The following SLC25A13 variants were observed in gnomAD, a reference collection of about 807,000 sequenced individuals.
SLC25A13 encodes the protein electrogenic aspartate/glutamate antiporter SLC25A13, mitochondrial.
SLC25A13 carries 70 observed loss-of-function variants against 85.5 expected under a neutral mutation model. The ratio of observed to expected loss-of-function variants is 0.82; its 90% confidence interval spans 0.68 to 1.00. The LOEUF (loss-of-function observed/expected upper bound fraction) is 1.00, where lower values mean the gene tolerates loss of function less well. Ranked by LOEUF, SLC25A13 falls within the 50% of genes least tolerant of loss-of-function variation. The pLI is 0.00. For missense variants in SLC25A13, 765 were observed against 819.8 expected (o/e 0.93, Z 0.82); for synonymous variants, 259 against 288.7 (o/e 0.90, Z 1.04).
At chr7:96,199,033 G>A (rs1024161878) in intron 5 of SLC25A13, among the ~76,000 whole-genome samples, 1 of 152,144 alleles carries the variant, frequency 6.6e-6, no homozygotes, top group Non-Finnish European at 1.5e-5. Flanking sequence ...CAAGGAGAAC[G>A]TTTACTAAGT....
At chr7:96,249,911 T>C (rs1238018378) in intron 3 of SLC25A13, among the ~76,000 whole-genome samples, 1 of 147,128 alleles carries the variant, frequency 6.8e-6, no homozygotes, top group East Asian at 2.0e-4. Flanking sequence ...AGGCCAGGCA[T>C]GGTGGCTCAC....
rs764693182 is a variant in SLC25A13 at position 96,146,644 on chromosome 7, C to G, written c.1364G>C (p.Arg455Pro). ...FTNPLEIVKI[R>P]LQVAGEITTG... ...GGTGATTTCTCCTGCCACTTGCAAACGGATCTTGACGATTTCTAAAGGATT... is the reference window on the plus strand; with the variant it reads ...GGTGATTTCTCCTGCCACTTGCAAAGGGATCTTGACGATTTCTAAAGGATT... The change falls in exon 14 of 18, where the codon CGT becomes CCT. Residue 455 changes from arginine to proline, a missense_variant. Arg to Pro is a moderately radical substitution (Grantham distance 103). Coordinates refer to ENST00000265631, the MANE Select transcript of SLC25A13 (RefSeq NM_014251.3). 5 of 1,613,956 alleles carry G rather than the reference C, an allele frequency of 3.1e-6. No individual in the cohort carries two copies. Among genetic ancestry groups the G allele is most frequent in the Non-Finnish European group, 4.2e-6 (5 of 1,180,008 alleles).
At chr7:96,315,441 G>A (rs1772145203) in intron 1 of SLC25A13, among the ~76,000 whole-genome samples, 1 of 152,182 alleles carries the variant, frequency 6.6e-6, no homozygotes, top group Non-Finnish European at 1.5e-5. Flanking sequence ...CAGTATGTAG[G>A]GAATCACTGG....
intron 3 of SLC25A13, among the ~76,000 whole-genome samples, chr7:96,269,155 G>A (rs938783780): frequency 1.3e-5 from 2 of 152,044 alleles, no homozygotes; most frequent in African/African-American, 4.8e-5. Context: ...ATACACAACT[G>A]TGCCAAGCAC....
intron 14 of SLC25A13, among the ~76,000 whole-genome samples, chr7:96,133,140 G>A (rs1393874805): frequency 6.6e-6 from 1 of 152,176 alleles, no homozygotes; most frequent in Non-Finnish European, 1.5e-5. Flanking sequence ...ACAAATGCTT[G>A]GAATCTGGAT....
chr7:96,256,920 A>C (rs778460356), intron 3 of SLC25A13, among the ~76,000 whole-genome samples: 2 of 152,206 alleles, frequency 1.3e-5, no homozygotes, highest in Non-Finnish European at 2.9e-5. Flanking sequence ...TTCACTCAAA[A>C]CCACACAACT....
chr7:96,132,275 T>C (rs954693032), intron 14 of SLC25A13, among the ~76,000 whole-genome samples: 4 of 152,148 alleles, frequency 2.6e-5, no homozygotes, highest in Non-Finnish European at 4.4e-5. Flanking sequence ...TGCCTCTTTG[T>C]TTACACACTA....
chr7:96,180,902 C>G (rs1274075856), intron 11 of SLC25A13, among the ~76,000 whole-genome samples: 1 of 152,160 alleles, frequency 6.6e-6, no homozygotes, highest in African/African-American at 2.4e-5. Flanking sequence ...TCAGGTAATT[C>G]ATTAAGGATT....
At chr7:96,158,236 T>G (rs1198527006) in intron 13 of SLC25A13, among the ~76,000 whole-genome samples, 2 of 152,292 alleles carry the variant, frequency 1.3e-5, no homozygotes, top group African/African-American at 4.8e-5. Context: ...ACTCATTAGA[T>G]AAAAATACAA....
chr7:96,190,851 G>C (rs1487880555), intron 7 of SLC25A13, among the ~76,000 whole-genome samples: 1 of 152,168 alleles, frequency 6.6e-6, no homozygotes, highest in African/African-American at 2.4e-5. Context: ...GATCTCAGGT[G>C]ATCCACCCAC....
intron 1 of SLC25A13, among the ~76,000 whole-genome samples, chr7:96,318,171 T>A (rs1800199718): frequency 1.3e-5 from 2 of 152,236 alleles, no homozygotes; most frequent in African/African-American, 4.8e-5. Flanking sequence ...TCTAGGCTAA[T>A]ATTGGTCTGT....
rs990389517 is a variant in SLC25A13 at position 96,159,556 on chromosome 7, G to A, written c.1311+10489C>T. ...CCAAAACTGCCAACACCTTAACCTC[G>A]GACTTCCAGTCTCTGTTGTTTAAGC... On this transcript the variant is annotated intron_variant, in intron 13 of 17. Transcript: ENST00000265631. Among the ~76,000 whole-genome samples the A allele has an allele frequency of 3.3e-5, 5 of 152,040 alleles. No individual in the cohort carries two copies. The South Asian group carries it at 8.3e-4, about 25-fold the overall frequency.
chr7:96,272,875 A>G (rs1798299586), intron 3 of SLC25A13, among the ~76,000 whole-genome samples: 1 of 152,228 alleles, frequency 6.6e-6, no homozygotes. Flanking sequence ...AAACATCAAT[A>G]GAATAACCGG....
chr7:96,244,112 G>C (rs1263052104), intron 3 of SLC25A13, among the ~76,000 whole-genome samples: 2 of 152,128 alleles, frequency 1.3e-5, no homozygotes. Flanking sequence ...CTAAACAGCT[G>C]TTAAGGCTTA....
intron 1 of SLC25A13, among the ~76,000 whole-genome samples, chr7:96,303,158 C>T (rs569751299): frequency 1.1e-3 from 166 of 152,228 alleles, no homozygotes; most frequent in South Asian, 2.9e-3. Context: ...TCAGCTGCTA[C>T]GTCACCAACT....
intron 3 of SLC25A13, among the ~76,000 whole-genome samples, chr7:96,264,786 C>T (rs139009247): frequency 0.022 from 3,315 of 151,724 alleles, 77 homozygotes; most frequent in African/African-American, 0.059. Context: ...TGGCCTCAAG[C>T]GATCCTCCCG....
chr7:96,243,678 T>C (rs767982619), intron 3 of SLC25A13, among the ~76,000 whole-genome samples: 32 of 151,950 alleles, frequency 2.1e-4, no homozygotes, highest in Non-Finnish European at 3.1e-4. Context: ...TGAGGAGGTA[T>C]TGAGATCTGA....
chr7:96,272,339 A>T (rs1798274851), intron 3 of SLC25A13, among the ~76,000 whole-genome samples: 1 of 152,220 alleles, frequency 6.6e-6, no homozygotes, highest in Non-Finnish European at 1.5e-5. Context: ...AACAAAGAAA[A>T]ATCCTGTAAT....
chr7:96,129,516 T>C (rs1202879398), intron 15 of SLC25A13, among the ~76,000 whole-genome samples: 2 of 152,200 alleles, frequency 1.3e-5, no homozygotes, highest in Non-Finnish European at 2.9e-5. Flanking sequence ...ACTAGCTATT[T>C]AAAATTTTTT....
Sources: allele counts gnomAD v4.1 joint callset (sites outside exome capture counted in the v4.1 genomes callset), GRCh38; gene constraint gnomAD v4.1.1; transcripts MANE v1.5; gene names NCBI Gene and HGNC (gene_info 2026-07-23, HGNC 2026-07-21).